Variants in KCTD8 observed in about 807,000 individuals in gnomAD.
KCTD8 encodes BTB/POZ domain-containing protein KCTD8.
KCTD8 carries 27 observed loss-of-function variants against 31.5 expected under a neutral mutation model. That is an observed-to-expected ratio of 0.86 (90% confidence interval 0.63 to 1.18). KCTD8 has a LOEUF of 1.18. Among genes scored for constraint, KCTD8 ranks in the 50% most tolerant of loss-of-function variants. KCTD8 has a pLI of 0.00. For missense variants in KCTD8, 658 were observed against 647.7 expected (o/e 1.02, Z -0.17); for synonymous variants, 290 against 280.0 (o/e 1.04, Z -0.36).
intron 1 of KCTD8, among the ~76,000 whole-genome samples, chr4:44,299,491 G>A (rs1157467751): frequency 6.6e-6 from 1 of 152,108 alleles, no homozygotes; most frequent in Non-Finnish European, 1.5e-5. Context: ...AGCACTTTGG[G>A]AGGCCAAGGC....
intron 1 of KCTD8, among the ~76,000 whole-genome samples, chr4:44,260,878 A>G (rs1485128512): frequency 6.6e-6 from 1 of 152,012 alleles, no homozygotes; most frequent in Non-Finnish European, 1.5e-5. Context: ...TCTTAAAAAT[A>G]TTACTCCGGT....
intron 1 of KCTD8, among the ~76,000 whole-genome samples, chr4:44,287,050 T>C (rs1207234822): frequency 2.0e-5 from 3 of 152,150 alleles, no homozygotes; most frequent in Non-Finnish European, 4.4e-5. Context: ...TTCAAGTATA[T>C]AGCAGAAACA....
rs550944109 is a variant in KCTD8, at chr4:44,397,907, T to G, written c.961+49656A>C. On this transcript the variant is annotated intron_variant, in intron 1 of 1. Coordinates refer to ENST00000360029, the MANE Select transcript of KCTD8 (RefSeq NM_198353.3). ...TGATTTTTTTGTGGTTACAAAGCAG[T>G]TGTAGCACAATGAATTACAGTTAAA... Among the ~76,000 whole-genome samples, 619 of 152,260 alleles carry G rather than the reference T, an allele frequency of 4.1e-3. 4 individuals are homozygous for G. The highest frequency in any genetic ancestry group is 0.014 in the African/African-American group (589 of 41,572).
intron 1 of KCTD8, among the ~76,000 whole-genome samples, chr4:44,430,932 C>A (rs991702835): frequency 6.6e-6 from 1 of 150,818 alleles, no homozygotes. Context: ...TTTTTCTTGT[C>A]ATCCATTGCA....
intron 1 of KCTD8, among the ~76,000 whole-genome samples, chr4:44,194,340 T>C (rs1398922724): frequency 1.3e-5 from 2 of 152,170 alleles, no homozygotes; most frequent in African/African-American, 4.8e-5. Context: ...ATTAAAGCCT[T>C]ACAGATTAAA....
chr4:44,377,923 T>G lies in KCTD8; in HGVS notation c.961+69640A>C, dbSNP rs1719955664. On this transcript the variant is annotated intron_variant, in intron 1 of 1. Coordinates refer to ENST00000360029, the MANE Select transcript of KCTD8 (RefSeq NM_198353.3). ...AATCATTCCTTTCCTATCTTCCTAGTGAACACTTTTCATAATTCTGTTTGC... is the reference window on the plus strand; with the variant it reads ...AATCATTCCTTTCCTATCTTCCTAGGGAACACTTTTCATAATTCTGTTTGC... Among the ~76,000 whole-genome samples, 4 of 152,278 alleles carry G rather than the reference T, an allele frequency of 2.6e-5. No homozygotes were observed. In the Middle Eastern group the frequency reaches 0.01, roughly 388 times the overall value.
chr4:44,244,847 T>TG (rs58257678), intron 1 of KCTD8, among the ~76,000 whole-genome samples: 1,863 of 132,252 alleles, frequency 0.014, 25 homozygotes, highest in East Asian at 0.053. Context: ...CCTGTAGTTG[T>TG]GGGGGGGGGG....
At chr4:44,196,706 GA>G (rs1713952207) in intron 1 of KCTD8, among the ~76,000 whole-genome samples, 3 of 152,094 alleles carry the variant, frequency 2.0e-5, no homozygotes, top group Admixed American at 2.0e-4. Flanking sequence ...GGTGAGAGAG[GA>G]AGAGCTCCCA....
chr4:44,282,989 A>C (rs1716940832), intron 1 of KCTD8, among the ~76,000 whole-genome samples: 1 of 151,388 alleles, frequency 6.6e-6, no homozygotes, highest in South Asian at 2.1e-4. Context: ...TATCCAGCTA[A>C]GATAATTGAG....
intron 1 of KCTD8, among the ~76,000 whole-genome samples, chr4:44,236,421 G>T (rs1715292726): frequency 6.6e-6 from 1 of 152,072 alleles, no homozygotes; most frequent in Admixed American, 6.6e-5. Flanking sequence ...GTCAGATGAG[G>T]AGTTCATTTT....
At chr4:44,226,975 T>C (rs557392613) in intron 1 of KCTD8, among the ~76,000 whole-genome samples, 2 of 152,218 alleles carry the variant, frequency 1.3e-5, no homozygotes, top group African/African-American at 2.4e-5. Context: ...AACATTTTCT[T>C]CCATTCTTTA....
chr4:44,350,389 C>T (rs558061722), intron 1 of KCTD8, among the ~76,000 whole-genome samples: 5 of 152,258 alleles, frequency 3.3e-5, no homozygotes, highest in African/African-American at 1.2e-4. Flanking sequence ...GGAAGAATAT[C>T]CATGAACTGT....
intron 1 of KCTD8, among the ~76,000 whole-genome samples, chr4:44,411,857 G>T (rs1032060608): frequency 1.3e-5 from 2 of 152,042 alleles, no homozygotes; most frequent in Admixed American, 1.3e-4. Context: ...GGCATGGAAG[G>T]ATTCTATTCA....
At position 44,175,041 on chromosome 4, in the gene KCTD8, G is replaced by T. The variant is rs549391615; in HGVS notation, c.1171C>A (p.Arg391Ser). The T allele has an allele frequency of 6.8e-6, 11 of 1,613,850 alleles. No individual in the cohort carries two copies. Among genetic ancestry groups the T allele is most frequent in the South Asian group, 3.3e-5 (3 of 91,078 alleles). The change falls in exon 2 of 2, where the codon CGC becomes AGC. Residue 391 changes from arginine (R) to serine (S), a missense_variant. Transcript: ENST00000360029. ...TGTACAGGTGCTTTTTTAGAGGGGC[G>T]ATCCAATGTTAAAGTGTTAGGTTGG... Reference protein sequence around the residue: ...AHQPNTLTLDRPSKKAPVQWI... With the variant: ...AHQPNTLTLDSPSKKAPVQWI...
chr4:44,176,480 T>C (rs1009903220), intron 1 of KCTD8, among the ~76,000 whole-genome samples: 5 of 152,154 alleles, frequency 3.3e-5, no homozygotes, highest in Admixed American at 3.3e-4. Flanking sequence ...ATATATGAAA[T>C]GAATTAATAG....
intron 1 of KCTD8, among the ~76,000 whole-genome samples, chr4:44,259,984 T>A (rs2109365159): frequency 6.6e-6 from 1 of 152,034 alleles, no homozygotes; most frequent in East Asian, 1.9e-4. Flanking sequence ...GGGAGACTAT[T>A]TTTTACATAT....
intron 1 of KCTD8, among the ~76,000 whole-genome samples, chr4:44,255,935 A>G (rs1478305439): frequency 6.6e-6 from 1 of 152,002 alleles, no homozygotes; most frequent in African/African-American, 2.4e-5. Flanking sequence ...CACGCTGCTA[A>G]TAAAGACATA....
intron 1 of KCTD8, among the ~76,000 whole-genome samples, chr4:44,304,527 A>T (rs139511288): frequency 6.6e-6 from 1 of 152,242 alleles, no homozygotes; most frequent in African/African-American, 2.4e-5. Context: ...TAGTCAACAT[A>T]AAGGGAATAA....
intron 1 of KCTD8, among the ~76,000 whole-genome samples, chr4:44,196,693 A>G (rs1713951482): frequency 6.6e-6 from 1 of 152,162 alleles, no homozygotes; most frequent in Admixed American, 6.5e-5. Flanking sequence ...AATACAGGGA[A>G]AGGGTGAGAG....
Sources: gnomAD v4.1 joint callset for allele counts (sites outside exome capture counted in the v4.1 genomes callset) on GRCh38, gnomAD v4.1.1 for gene constraint, MANE v1.5 for transcripts, NCBI Gene and HGNC (gene_info 2026-07-23, HGNC 2026-07-21) for gene names.